The following PICK1 variants were observed in gnomAD, a reference collection of about 807,000 sequenced individuals.
PICK1 encodes the protein PRKCA-binding protein.
PICK1 carries 23 observed loss-of-function variants against 48.9 expected under a neutral mutation model. That is an observed-to-expected ratio of 0.47 (90% CI 0.34 to 0.67). PICK1 has a LOEUF of 0.67. PICK1 is among the 30% of genes least tolerant of loss of function. The pLI is 0.01. For missense variants in PICK1, 423 were observed against 557.1 expected (o/e 0.76, Z 2.42); for synonymous variants, 217 against 228.2 (o/e 0.95, Z 0.44).
At chr22:38,072,444 AG>A in intron 8 of PICK1, 32 bp from the exon 9 acceptor site, 1 of 1,606,174 alleles carries the variant, frequency 6.2e-7, no homozygotes. Context: ...GGGGCCAAGT[AG>A]GGGCAGCCTT....
Position 38,075,252 on chromosome 22 carries a change from C to G in PICK1, c.*120C>G. On this transcript the variant is annotated 3_prime_UTR_variant, in exon 13 of 13. Coordinates refer to ENST00000356976, the MANE Select transcript of PICK1 (RefSeq NM_012407.4). ...GCCTGCTGGCTTGGGGCGCCTGCCTCCCTGCTCCTCTGTCCTCGCACAGCG... is the reference window on the plus strand; with the variant it reads ...GCCTGCTGGCTTGGGGCGCCTGCCTGCCTGCTCCTCTGTCCTCGCACAGCG... 1 of 963,182 alleles carries G rather than the reference C, an allele frequency of 1.0e-6. No homozygotes were observed. Among genetic ancestry groups the G allele is most frequent in the Middle Eastern group, 3.3e-4 (1 of 3,036 alleles). The allele number at this position is 963,182 out of a possible 1,614,324, so 59.7% of individuals were successfully genotyped here.
intron 3 of PICK1, 40 bp from the exon 4 acceptor site, chr22:38,064,962 C>T: frequency 6.2e-7 from 1 of 1,612,216 alleles, no homozygotes; most frequent in Non-Finnish European, 8.5e-7. Flanking sequence ...CATCTTAGCC[C>T]TCCCTTTCTT....
In PICK1 at chr22:38,073,899, A is replaced by C; in HGVS notation, c.834+76A>C. On this transcript the variant is annotated intron_variant, in intron 11 of 12. Transcript: ENST00000356976. This position sits in a 1 kb window ranked among gnomAD's most constrained non-coding sequence, Gnocchi z 5.7. ...CAGGGATAGCAGGTGGCTCAGGCCA[A>C]CCCGGGAGAGACCGGGGGGACTTGG... The C allele has an allele frequency of 7.0e-7, 1 of 1,424,786 alleles. No homozygotes were observed. The highest frequency in any genetic ancestry group is 1.1e-5 in the South Asian group (1 of 87,342). 88.3% of individuals were successfully genotyped at this position (1,424,786 alleles called of 1,614,324 possible).
At chr22:38,059,125 G>T in intron 2 of PICK1, 109 bp from the exon 3 acceptor site, 1 of 761,596 alleles carries the variant, frequency 1.3e-6, no homozygotes, top group Non-Finnish European at 2.3e-6. Flanking sequence ...CCAAGGGAGG[G>T]AGAGAAAAAG....
At chr22:38,057,996 G>T in intron 2 of PICK1, 146 bp downstream of exon 2, 1 of 736,744 alleles carries the variant, frequency 1.4e-6, no homozygotes, top group Non-Finnish European at 2.5e-6. Context: ...TCTCCCAGGA[G>T]CTCACTATTT....
chr22:38,075,097 C>A lies in PICK1; in HGVS notation c.1213C>A (p.Pro405Thr). Residue 405 changes from proline to threonine, a missense_variant, in exon 13 of 13, where the codon CCC (proline) becomes ACC (threonine). By Grantham distance (38) the Pro-to-Thr change is conservative (BLOSUM62 -1). This residue lies in a region of PICK1 where 144 missense variants were observed against 139.3 expected (regional missense o/e 1.03). Transcript: ENST00000356976. ...PSRDTRGAAG[P>T]LDKGGSWCDS ...CAGGGATACACGAGGGGCTGCTGGG[C>A]CCTTGGACAAGGGTGGAAGCTGGTG... is the stretch of plus-strand genomic sequence containing the variant. The A allele has an allele frequency of 6.2e-7, 1 of 1,612,398 alleles. No individual in the cohort carries two copies. The highest frequency in any genetic ancestry group is 8.5e-7 in the Non-Finnish European group (1 of 1,179,904).
At chr22:38,063,161 C>CTTT (rs774428983) in intron 3 of PICK1, among the ~76,000 whole-genome samples, 1 of 145,872 alleles carries the variant, frequency 6.9e-6, no homozygotes, top group Non-Finnish European at 1.5e-5. Flanking sequence ...ACCATCTTAA[C>CTTT]TTTTTTTTTT....
Position 38,074,881 on chromosome 22 carries a change from C to T in PICK1, c.997C>T (p.Gln333Ter). ...CACCCCAGTCCAGGACATCGTGTTC[C>T]AGCTGCAGCGCCTCGTGTCCACCAT... The part of the protein sequence containing the change: ...DQKHVQDIVF[Q>*]LQRLVSTMSK... Residue 333 changes from glutamine to a stop codon, truncating the protein, a stop_gained, in exon 13 of 13, where the codon CAG becomes TAG. Transcript: ENST00000356976. LOFTEE classifies it high-confidence loss of function. The surrounding 1 kb of genome is among the most constrained non-coding windows in gnomAD (Gnocchi z 4.5). 3 of 1,612,786 alleles carry T rather than the reference C, an allele frequency of 1.9e-6. No individual in the cohort carries two copies. The highest frequency in any genetic ancestry group is 2.5e-6 in the Non-Finnish European group (3 of 1,180,012).
chr22:38,062,764 G>GT (rs1294171712), intron 3 of PICK1, among the ~76,000 whole-genome samples: 1 of 152,146 alleles, frequency 6.6e-6, no homozygotes, highest in African/African-American at 2.4e-5. Context: ...GGTCATTGTG[G>GT]TTCCCATATT....
chr22:38,067,968 C>A, intron 5 of PICK1, 198 bp downstream of exon 5: 1 of 679,736 alleles, frequency 1.5e-6, no homozygotes, highest in Non-Finnish European at 2.8e-6. Flanking sequence ...TGCATCTGTT[C>A]TTGTACTCTG....
intron 2 of PICK1, among the ~76,000 whole-genome samples, chr22:38,058,971 C>T (rs1323760584): frequency 2.6e-5 from 4 of 152,176 alleles, no homozygotes. Context: ...TGCGCCATTG[C>T]ACTCTAGCCT....
At position 38,075,215 on chromosome 22, in the gene PICK1, C is replaced by T; in HGVS notation, c.*83C>T. 5 of 1,386,898 alleles carry T rather than the reference C, an allele frequency of 3.6e-6. No individual in the cohort carries two copies. Among genetic ancestry groups the T allele is most frequent in the Middle Eastern group, 2.6e-4 (1 of 3,894 alleles). 85.9% of individuals were successfully genotyped at this position (1,386,898 alleles called of 1,614,324 possible). ...GGGGCGGGGCCGCCGCGCAAGGGGG[C>T]GACGCATAAAGGCCTGCTGGCTTGG... On this transcript the variant is annotated 3_prime_UTR_variant, in exon 13 of 13. Coordinates refer to ENST00000356976, the MANE Select transcript of PICK1 (RefSeq NM_012407.4).
intron 5 of PICK1, 181 bp downstream of exon 5, chr22:38,067,951 C>T (rs1303767255): frequency 2.9e-6 from 2 of 694,694 alleles, no homozygotes; most frequent in Non-Finnish European, 5.4e-6. Flanking sequence ...CCTCCCGGTG[C>T]TCTCCCTGCA....
At chr22:38,063,824 G>A (rs2085463233) in intron 3 of PICK1, among the ~76,000 whole-genome samples, 1 of 151,678 alleles carries the variant, frequency 6.6e-6, no homozygotes, top group African/African-American at 2.4e-5. Context: ...CGTGTTTTTT[G>A]TAGAGACAAG....
chr22:38,060,650 C>T (rs1028995919), intron 3 of PICK1, among the ~76,000 whole-genome samples: 1 of 152,184 alleles, frequency 6.6e-6, no homozygotes, highest in Admixed American at 6.5e-5. Context: ...CCAGGCCTGG[C>T]CTCCTGGCCG....
At chr22:38,072,637 C>G (rs191048755) in intron 9 of PICK1, 27 bp downstream of exon 9, 1 of 1,611,666 alleles carries the variant, frequency 6.2e-7, no homozygotes. Context: ...ATGTGTGTGT[C>G]TGGCGTGTGA....
At chr22:38,059,924 C>T (rs140370398) in intron 3 of PICK1, among the ~76,000 whole-genome samples, 44 of 152,262 alleles carry the variant, frequency 2.9e-4, no homozygotes, top group African/African-American at 9.6e-4. Context: ...AGTTAAGAAA[C>T]GTGCATTGGC....
intron 3 of PICK1, among the ~76,000 whole-genome samples, chr22:38,061,274 G>A (rs1052714621): frequency 2.6e-5 from 4 of 152,092 alleles, no homozygotes; most frequent in Admixed American, 1.3e-4. Flanking sequence ...CCGGGAGATG[G>A]TGGTTGCAGT....
intron 4 of PICK1, 46 bp from the exon 5 acceptor site, chr22:38,067,658 A>C: frequency 6.5e-7 from 1 of 1,546,606 alleles, no homozygotes; most frequent in Non-Finnish European, 8.9e-7. Context: ...GAAGGGGCTC[A>C]GGGTGTGGAG....
Sources: gnomAD v4.1 joint callset for allele counts (sites outside exome capture counted in the v4.1 genomes callset) on GRCh38, gnomAD v4.1.1 for gene constraint, gnomAD v4.1.1 regional missense constraint, Gnocchi (gnomAD v3.1) non-coding constraint, MANE v1.5 for transcripts, NCBI Gene and HGNC (gene_info 2026-07-23, HGNC 2026-07-21) for gene names.